SHTN1: variants seen among roughly 807,000 people sequenced by gnomAD.
SHTN1 encodes shootin 1.
A neutral mutation model predicts 83.1 loss-of-function variants in SHTN1; 42 were observed. The observed-to-expected ratio is 0.51, with a 90% CI of 0.39 to 0.65. The LOEUF (loss-of-function observed/expected upper bound fraction) is 0.65, where lower values mean the gene tolerates loss of function less well. SHTN1 is among the 30% of genes least tolerant of loss of function. The probability of loss-of-function intolerance (pLI) is 0.00; values close to 1 mark genes in which losing one functional copy is unlikely to be tolerated. For missense variants in SHTN1, 622 were observed against 737.8 expected, an observed-to-expected ratio of 0.84 and a Z score of 1.82; for synonymous variants, 224 against 247.7, an observed-to-expected ratio of 0.90 and a Z score of 0.90.
At chr10:117,109,195 T>C (rs1853723355) in intron 1 of SHTN1, among the ~76,000 whole-genome samples, 1 of 152,170 alleles carries the variant, frequency 6.6e-6, no homozygotes, top group Admixed American at 6.5e-5. Flanking sequence ...CTGATATAAT[T>C]AGTCTGAGGC....
intron 2 of SHTN1, among the ~76,000 whole-genome samples, chr10:117,011,696 A>G (rs1165241944): frequency 3.3e-5 from 5 of 152,224 alleles, no homozygotes; most frequent in Admixed American, 6.5e-5. Context: ...TTAAAAATTA[A>G]TAACATTTAC....
intron 2 of SHTN1, among the ~76,000 whole-genome samples, chr10:116,974,641 A>C (rs942504288): frequency 5.9e-5 from 9 of 152,194 alleles, no homozygotes; most frequent in African/African-American, 1.9e-4. Context: ...TCAGCCACTT[A>C]AACATTTATG....
At chr10:117,059,259 G>T (rs998307731) in intron 1 of SHTN1, among the ~76,000 whole-genome samples, 7 of 152,156 alleles carry the variant, frequency 4.6e-5, no homozygotes, top group African/African-American at 1.7e-4. Flanking sequence ...TTGCTGGTGA[G>T]AATGTAAAAT....
chr10:116,986,359 C>G (rs1205195757), intron 1 of SHTN1, among the ~76,000 whole-genome samples: 1 of 152,128 alleles, frequency 6.6e-6, no homozygotes, highest in Admixed American at 6.5e-5. Context: ...GAGAAGCAGC[C>G]TGGAAGCGAA....
chr10:116,977,631 C>T (rs1197397703), intron 2 of SHTN1, among the ~76,000 whole-genome samples: 1 of 150,912 alleles, frequency 6.6e-6, no homozygotes, highest in Non-Finnish European at 1.5e-5. Flanking sequence ...AGAAATCATG[C>T]CAAACTACTA....
upstream of SHTN1, chr10:117,005,454 C>T (rs1032321560): frequency 1.2e-4 from 130 of 1,046,288 alleles, no homozygotes; most frequent in Non-Finnish European, 1.4e-4. Flanking sequence ...CCTCCACCTC[C>T]CGGACTCAGG....
chr10:117,095,921 T>C (rs1853498212), intron 1 of SHTN1, among the ~76,000 whole-genome samples: 1 of 152,204 alleles, frequency 6.6e-6, no homozygotes, highest in African/African-American at 2.4e-5. Context: ...CAGTATCAAA[T>C]GGATTGAAAA....
At chr10:117,055,654 G>A (rs1462748863) in intron 1 of SHTN1, among the ~76,000 whole-genome samples, 2 of 152,168 alleles carry the variant, frequency 1.3e-5, no homozygotes, top group Non-Finnish European at 2.9e-5. Context: ...GATTGCATGA[G>A]GCCAGGAGTT....
At chr10:116,894,871 A>C (rs1258103384) in intron 16 of SHTN1, among the ~76,000 whole-genome samples, 6 of 152,218 alleles carry the variant, frequency 3.9e-5, no homozygotes, top group Non-Finnish European at 5.9e-5. Context: ...GCAAGAAAAC[A>C]TGAAACTCTT....
At chr10:117,026,613 G>C (rs1024421381) in intron 2 of SHTN1, among the ~76,000 whole-genome samples, 3 of 152,134 alleles carry the variant, frequency 2.0e-5, no homozygotes, top group Admixed American at 6.5e-5. Flanking sequence ...GTAGAGACAG[G>C]GTTTCACCAT....
At chr10:116,893,727 G>A (rs978968202) in intron 16 of SHTN1, among the ~76,000 whole-genome samples, 4 of 152,030 alleles carry the variant, frequency 2.6e-5, no homozygotes. Context: ...AACAAAACAT[G>A]ACCCCAAACC....
intron 12 of SHTN1, among the ~76,000 whole-genome samples, chr10:116,919,655 G>A (rs939098816): frequency 4.6e-5 from 7 of 151,782 alleles, no homozygotes; most frequent in African/African-American, 1.2e-4. Context: ...TGTCTCTCCC[G>A]AAAAAAATGA....
intron 1 of SHTN1, among the ~76,000 whole-genome samples, chr10:117,000,380 G>A (rs1851781501): frequency 6.6e-6 from 1 of 152,130 alleles, no homozygotes; most frequent in Admixed American, 6.6e-5. Context: ...GAATAAGCTT[G>A]ACTAGATTTC....
At chr10:117,046,767 T>C (rs1053771091) in intron 2 of SHTN1, among the ~76,000 whole-genome samples, 1 of 152,190 alleles carries the variant, frequency 6.6e-6, no homozygotes, top group Non-Finnish European at 1.5e-5. Context: ...TGTTATATGA[T>C]TCCATTTACA....
At chr10:117,106,692 C>T (rs1230189658) in intron 1 of SHTN1, among the ~76,000 whole-genome samples, 3 of 152,158 alleles carry the variant, frequency 2.0e-5, no homozygotes, top group East Asian at 1.9e-4. Flanking sequence ...AACAAGCTCC[C>T]AGCTACTTTT....
chr10:117,040,535 G>A (rs1446679719), intron 2 of SHTN1, among the ~76,000 whole-genome samples: 1 of 152,184 alleles, frequency 6.6e-6, no homozygotes. Flanking sequence ...TATTGGTCCA[G>A]TAATTATACC....
chr10:116,930,052 T>C (rs777150119), intron 9 of SHTN1, 50 bp from the exon 10 acceptor site: 6 of 1,301,360 alleles, frequency 4.6e-6, no homozygotes, highest in Non-Finnish European at 6.3e-6. Context: ...AGTTTTTCCT[T>C]TGTCAAAGAA....
intron 1 of SHTN1, among the ~76,000 whole-genome samples, chr10:117,085,843 T>C (rs939688956): frequency 3.9e-5 from 6 of 152,216 alleles, no homozygotes; most frequent in African/African-American, 1.4e-4. Flanking sequence ...TTTTTGCAGA[T>C]TGACCCCTTT....
intron 16 of SHTN1, among the ~76,000 whole-genome samples, chr10:116,886,770 GAAGA>G (rs956922910): frequency 6.6e-6 from 1 of 152,210 alleles, no homozygotes; most frequent in African/African-American, 2.4e-5. Context: ...CACAAGGCCA[GAAGA>G]AAGAAGGCAG....
Sources: gnomAD v4.1 joint callset for allele counts (sites outside exome capture counted in the v4.1 genomes callset) on GRCh38, gnomAD v4.1.1 for gene constraint, MANE v1.5 for transcripts, NCBI Gene and HGNC (gene_info 2026-07-23, HGNC 2026-07-21) for gene names.